Variants in NLK observed in about 807,000 individuals in gnomAD.
The protein encoded by NLK is serine/threonine-protein kinase NLK.
In NLK, 11 loss-of-function variants were observed where a neutral mutation model predicts 59.0. That is an observed-to-expected ratio of 0.19 (90% confidence interval 0.12 to 0.31). The LOEUF is 0.31. Ranked by LOEUF, NLK falls within the 10% of genes least tolerant of loss-of-function variation. The pLI, the probability that NLK is intolerant of heterozygous loss-of-function variation, is 1.00. For synonymous variants in NLK, 235 were observed against 235.9 expected (o/e 1.00, Z 0.03); for missense variants, 410 against 661.1 (o/e 0.62, Z 4.16).
At chr17:28,141,462 G>A (rs984144568) in intron 3 of NLK, among the ~76,000 whole-genome samples, 1 of 152,180 alleles carries the variant, frequency 6.6e-6, no homozygotes, top group African/African-American at 2.4e-5. Flanking sequence ...TGCTGTTGCG[G>A]TTGCTTGTAA....
chr17:28,083,552 C>G (rs1433144080), intron 1 of NLK, among the ~76,000 whole-genome samples: 1 of 152,106 alleles, frequency 6.6e-6, no homozygotes, highest in African/African-American at 2.4e-5. Flanking sequence ...CTCCTAAACC[C>G]AAGTCACAGC....
intron 1 of NLK, among the ~76,000 whole-genome samples, chr17:28,052,742 T>C (rs188558897): frequency 2.7e-4 from 41 of 152,264 alleles, no homozygotes; most frequent in African/African-American, 9.4e-4. Flanking sequence ...TTATTAATGA[T>C]CTATATTACT....
intron 8 of NLK, among the ~76,000 whole-genome samples, chr17:28,190,422 C>A (rs567687863): frequency 7.9e-5 from 12 of 152,016 alleles, no homozygotes; most frequent in Admixed American, 7.2e-4. Flanking sequence ...CACAGTGAGA[C>A]CCCATCTCTA....
chr17:28,154,104 G>C (rs867449280), intron 3 of NLK, among the ~76,000 whole-genome samples: 3 of 151,998 alleles, frequency 2.0e-5, no homozygotes, highest in African/African-American at 4.8e-5. Context: ...TTCACTAAAG[G>C]GTTAAAAATT....
At chr17:28,061,815 A>C (rs1309778126) in intron 1 of NLK, among the ~76,000 whole-genome samples, 1 of 146,420 alleles carries the variant, frequency 6.8e-6, no homozygotes, top group Non-Finnish European at 1.5e-5. Flanking sequence ...ATATACATAT[A>C]TAATATATAC....
At position 28,194,753 on chromosome 17, in the gene NLK, TAAC is replaced by T. The variant is rs1023032210; in HGVS notation, c.*121_*123del. The T allele has an allele frequency of 1.5e-5, 8 of 519,958 alleles. No individual in the cohort carries two copies. The highest frequency in any genetic ancestry group is 1.7e-5 in the Non-Finnish European group (5 of 289,638). 32.2% of individuals were successfully genotyped at this position (519,958 alleles called of 1,614,324 possible). A position where few individuals can be genotyped will look rare whatever the true frequency, so the allele number is the denominator to read the frequency against. On this transcript the variant is annotated 3_prime_UTR_variant, in exon 11 of 11. Transcript: ENST00000407008. ...TAATTTTACTAATGAAGTTTTAAATTAACAACCACTACTTGTATGATATGAATA... is the reference window on the plus strand; with the variant it reads ...TAATTTTACTAATGAAGTTTTAAATTAACCACTACTTGTATGATATGAATA...
rs150060569 is a variant in NLK at position 28,127,723 on chromosome 17, G to A, written c.589-4897G>A. Among the ~76,000 whole-genome samples the A allele has an allele frequency of 4.3e-3, 660 of 152,162 alleles. 5 individuals carry two copies. Among genetic ancestry groups the A allele is most frequent in the African/African-American group, 0.015 (604 of 41,502 alleles). ...CCAGCAAGGTTTTATGTCTATATGCGTATGGAAATTCACAAACATCCTGAA... is the reference window on the plus strand; with the variant it reads ...CCAGCAAGGTTTTATGTCTATATGCATATGGAAATTCACAAACATCCTGAA... On this transcript the variant is annotated intron_variant, in intron 2 of 10. Coordinates refer to ENST00000407008, the MANE Select transcript of NLK (RefSeq NM_016231.5).
rs867084638 is a variant in NLK at position 28,157,199 on chromosome 17, T to A, written c.645-3961T>A. Reference sequence around the variant, plus strand: ...GCTCACCTATTTCTTAAAAAAAAAATTTTTTTTTTTAAGACAAAGTCTTGC... The same window carrying A: ...GCTCACCTATTTCTTAAAAAAAAAAATTTTTTTTTTAAGACAAAGTCTTGC... On this transcript the variant is annotated intron_variant, in intron 3 of 10. Coordinates refer to ENST00000407008, the MANE Select transcript of NLK (RefSeq NM_016231.5). Among the ~76,000 whole-genome samples the A allele has an allele frequency of 2.5e-3, 344 of 136,034 alleles. 1 individual carries two copies. The highest frequency in any genetic ancestry group is 7.7e-3 in the African/African-American group (287 of 37,318). 89.2% of individuals were successfully genotyped at this position (136,034 alleles called of 152,430 possible).
chr17:28,056,097 T>G (rs1909433817), intron 1 of NLK, among the ~76,000 whole-genome samples: 1 of 152,236 alleles, frequency 6.6e-6, no homozygotes, highest in Non-Finnish European at 1.5e-5. Flanking sequence ...TGGTGTATTG[T>G]TTACAAGACT....
intron 2 of NLK, among the ~76,000 whole-genome samples, chr17:28,130,063 T>A (rs1906454930): frequency 6.6e-6 from 1 of 152,188 alleles, no homozygotes; most frequent in African/African-American, 2.4e-5. Flanking sequence ...CTGCTTGTAT[T>A]TTTTTGTATT....
At chr17:28,090,757 G>A (rs1312185757) in intron 1 of NLK, among the ~76,000 whole-genome samples, 2 of 152,108 alleles carry the variant, frequency 1.3e-5, no homozygotes, top group African/African-American at 4.8e-5. Flanking sequence ...ATTTTAGGGT[G>A]ACTTCCTTTA....
At chr17:28,193,380 C>G (rs1909377680) in intron 10 of NLK, among the ~76,000 whole-genome samples, 1 of 152,010 alleles carries the variant, frequency 6.6e-6, no homozygotes, top group Non-Finnish European at 1.5e-5. Flanking sequence ...GTGGCCAGAA[C>G]TGGTCCATCA....
chr17:28,178,837 G>C (rs1329709503), intron 7 of NLK, among the ~76,000 whole-genome samples: 1 of 152,182 alleles, frequency 6.6e-6, no homozygotes, highest in Non-Finnish European at 1.5e-5. Flanking sequence ...GATCATCACA[G>C]CTTCTTTACT....
intron 7 of NLK, among the ~76,000 whole-genome samples, chr17:28,178,257 A>G (rs1415203471): frequency 6.6e-6 from 1 of 152,186 alleles, no homozygotes; most frequent in African/African-American, 2.4e-5. Flanking sequence ...CATGGTGCTC[A>G]GGAAGGGTAT....
intron 7 of NLK, among the ~76,000 whole-genome samples, chr17:28,175,712 A>G (rs1419471076): frequency 6.6e-6 from 1 of 152,228 alleles, no homozygotes; most frequent in Non-Finnish European, 1.5e-5. Flanking sequence ...TGTAAGGAGA[A>G]CATAGAATAG....
At chr17:28,132,000 T>C (rs1195667677) in intron 2 of NLK, among the ~76,000 whole-genome samples, 1 of 152,214 alleles carries the variant, frequency 6.6e-6, no homozygotes, top group Non-Finnish European at 1.5e-5. Flanking sequence ...AGAATCTGCC[T>C]CAGTGTCTTT....
At chr17:28,070,725 T>C (rs1909979612) in intron 1 of NLK, among the ~76,000 whole-genome samples, 1 of 151,604 alleles carries the variant, frequency 6.6e-6, no homozygotes, top group Non-Finnish European at 1.5e-5. Flanking sequence ...AAAATACTAA[T>C]TTTAAAGTAA....
intron 3 of NLK, among the ~76,000 whole-genome samples, chr17:28,160,145 C>T (rs971791837): frequency 2.0e-5 from 3 of 152,056 alleles, no homozygotes; most frequent in Non-Finnish European, 4.4e-5. Context: ...CGAGTATCCA[C>T]GAGTGTGGAT....
At chr17:28,176,133 A>T (rs1445388236) in intron 7 of NLK, among the ~76,000 whole-genome samples, 1 of 152,218 alleles carries the variant, frequency 6.6e-6, no homozygotes, top group Non-Finnish European at 1.5e-5. Flanking sequence ...TGGCTTTTAG[A>T]AAAGACTCCT....
Sources: gnomAD v4.1 joint callset for allele counts (sites outside exome capture counted in the v4.1 genomes callset) on GRCh38, gnomAD v4.1.1 for gene constraint, MANE v1.5 for transcripts, NCBI Gene and HGNC (gene_info 2026-07-23, HGNC 2026-07-21) for gene names.